SEMA3C: variants seen among roughly 807,000 people sequenced by gnomAD.
The protein encoded by SEMA3C is semaphorin-3C.
In SEMA3C, 47 loss-of-function variants were observed where a neutral mutation model predicts 89.4. The observed-to-expected ratio is 0.53, with a 90% confidence interval of 0.42 to 0.67. The LOEUF is 0.67. Ranked by LOEUF, SEMA3C falls within the 30% of genes least tolerant of loss-of-function variation. The pLI is 0.00. For missense variants in SEMA3C, 839 were observed against 929.1 expected (o/e 0.90, Z 1.26); for synonymous variants, 310 against 320.2 (o/e 0.97, Z 0.34).
chr7:80,880,815 C>T (rs1265354381), intron 2 of SEMA3C, among the ~76,000 whole-genome samples: 1 of 152,134 alleles, frequency 6.6e-6, no homozygotes, highest in South Asian at 2.1e-4. Flanking sequence ...GTCCCAGCTA[C>T]TCAGGAGGCT....
At chr7:80,909,814 T>C (rs186320968) in intron 2 of SEMA3C, among the ~76,000 whole-genome samples, 1 of 152,314 alleles carries the variant, frequency 6.6e-6, no homozygotes, top group Non-Finnish European at 1.5e-5. Flanking sequence ...AATGAAAATA[T>C]AAATTATTCT....
At chr7:80,882,996 T>C (rs1229893441) in intron 2 of SEMA3C, among the ~76,000 whole-genome samples, 3 of 152,018 alleles carry the variant, frequency 2.0e-5, no homozygotes, top group African/African-American at 4.8e-5. Context: ...ACCTGAAAGA[T>C]ACAAAAGAGG....
At chr7:80,756,783 G>A (rs1454079122) in intron 15 of SEMA3C, among the ~76,000 whole-genome samples, 2 of 150,780 alleles carry the variant, frequency 1.3e-5, no homozygotes, top group African/African-American at 2.5e-5. Context: ...TGAAGTCCTT[G>A]CTCACACAGT....
intron 2 of SEMA3C, among the ~76,000 whole-genome samples, chr7:80,859,216 G>A (rs961266583): frequency 1.4e-4 from 21 of 152,018 alleles, no homozygotes; most frequent in African/African-American, 5.1e-4. Flanking sequence ...CTATAGAGAT[G>A]AGCCACTGTA....
intron 8 of SEMA3C, among the ~76,000 whole-genome samples, chr7:80,803,036 A>G (rs1004004424): frequency 2.0e-5 from 3 of 152,162 alleles, no homozygotes; most frequent in Non-Finnish European, 4.4e-5. Context: ...AATTATTTCT[A>G]ATTTTAACGA....
intron 2 of SEMA3C, among the ~76,000 whole-genome samples, chr7:80,847,815 A>G (rs555947092): frequency 6.6e-6 from 1 of 152,218 alleles, no homozygotes; most frequent in Non-Finnish European, 1.5e-5. Context: ...CACAACAACA[A>G]CCTTGTTCAT....
In SEMA3C at chr7:80,862,851, C is replaced by T. The variant is rs376033652; in HGVS notation, c.104-34106G>A. Among the ~76,000 whole-genome samples, 8 of 152,046 alleles carry T rather than the reference C, an allele frequency of 5.3e-5. No individual in the cohort carries two copies. The East Asian group carries it at 1.3e-3, about 26-fold the overall frequency. ...AAAACATAAAGTGGGGAAAGGACAT[C>T]CTTTTCAACAAATGGTGCTGGGATA... On this transcript the variant is annotated intron_variant, in intron 2 of 17. Coordinates refer to ENST00000265361, the MANE Select transcript of SEMA3C (RefSeq NM_006379.5).
At chr7:80,857,092 A>G (rs1156837508) in intron 2 of SEMA3C, among the ~76,000 whole-genome samples, 2 of 152,070 alleles carry the variant, frequency 1.3e-5, no homozygotes, top group Non-Finnish European at 2.9e-5. Flanking sequence ...TTCATCACCA[A>G]TATCTATTTT....
intron 2 of SEMA3C, among the ~76,000 whole-genome samples, chr7:80,898,328 T>C (rs1298747975): frequency 6.6e-6 from 1 of 152,158 alleles, no homozygotes; most frequent in Non-Finnish European, 1.5e-5. Context: ...ATCGCGCCAC[T>C]GCACTCCAGC....
At chr7:80,890,144 T>G (rs1209332506) in intron 2 of SEMA3C, among the ~76,000 whole-genome samples, 2 of 152,194 alleles carry the variant, frequency 1.3e-5, no homozygotes, top group Non-Finnish European at 2.9e-5. Flanking sequence ...CTATCACATT[T>G]TCAGTACATA....
intron 2 of SEMA3C, among the ~76,000 whole-genome samples, chr7:80,863,696 T>A (rs1790832982): frequency 6.7e-6 from 1 of 149,090 alleles, no homozygotes; most frequent in African/African-American, 2.5e-5. Flanking sequence ...TACACACACA[T>A]ATATATGTGA....
intron 2 of SEMA3C, among the ~76,000 whole-genome samples, chr7:80,840,290 C>T (rs1160270171): frequency 2.6e-5 from 4 of 151,822 alleles, no homozygotes; most frequent in Non-Finnish European, 2.9e-5. Context: ...GAGGCAATAG[C>T]GGGTGAATCA....
chr7:80,758,745 T>C (rs1189461257), intron 14 of SEMA3C, among the ~76,000 whole-genome samples: 3 of 152,206 alleles, frequency 2.0e-5, no homozygotes, highest in Admixed American at 1.3e-4. Context: ...GTTTTAGACA[T>C]TGGGATTCAT....
At chr7:80,837,549 T>C (rs970327526) in intron 2 of SEMA3C, among the ~76,000 whole-genome samples, 1 of 152,152 alleles carries the variant, frequency 6.6e-6, no homozygotes, top group Non-Finnish European at 1.5e-5. Context: ...CAAATCTTAA[T>C]CATCACTGTT....
intron 12 of SEMA3C, among the ~76,000 whole-genome samples, chr7:80,780,525 A>C (rs1162929919): frequency 6.6e-6 from 1 of 152,188 alleles, no homozygotes; most frequent in African/African-American, 2.4e-5. Context: ...CATAACTCAA[A>C]AGCTAGTTGT....
At chr7:80,765,041 T>C in intron 13 of SEMA3C, 114 bp downstream of exon 13, 1 of 659,548 alleles carries the variant, frequency 1.5e-6, no homozygotes, top group South Asian at 2.5e-5. Flanking sequence ...CAAAAATTCA[T>C]AACATTCATT....
At chr7:80,806,409 A>C (rs1352075276) in intron 6 of SEMA3C, among the ~76,000 whole-genome samples, 1 of 152,192 alleles carries the variant, frequency 6.6e-6, no homozygotes, top group Non-Finnish European at 1.5e-5. Context: ...TGACTAAAAA[A>C]TGTAATCACT....
intron 2 of SEMA3C, among the ~76,000 whole-genome samples, chr7:80,851,989 T>C (rs1424988263): frequency 6.6e-6 from 1 of 152,200 alleles, no homozygotes; most frequent in Non-Finnish European, 1.5e-5. Context: ...TTTTGGTTTG[T>C]TTTTCCACAC....
intron 2 of SEMA3C, among the ~76,000 whole-genome samples, chr7:80,878,405 A>T (rs575310583): frequency 6.6e-6 from 1 of 152,250 alleles, no homozygotes; most frequent in South Asian, 2.1e-4. Flanking sequence ...AAAAAGAATT[A>T]AAAAATGAAT....
Sources: allele counts gnomAD v4.1 joint callset (sites outside exome capture counted in the v4.1 genomes callset), GRCh38; gene constraint gnomAD v4.1.1; transcripts MANE v1.5; gene names NCBI Gene and HGNC (gene_info 2026-07-23, HGNC 2026-07-21).